The following SOX5 variants were observed in gnomAD, a reference collection of about 807,000 sequenced individuals.
SOX5 encodes transcription factor SOX-5.
In SOX5, 9 loss-of-function variants were observed where a neutral mutation model predicts 92.0. That is an observed-to-expected ratio of 0.10 (90% CI 0.06 to 0.17). The LOEUF (loss-of-function observed/expected upper bound fraction) is 0.17. Ranked by LOEUF, SOX5 falls within the 10% of genes least tolerant of loss-of-function variation. The pLI, the probability that SOX5 is intolerant of heterozygous loss-of-function variation, is 1.00. For synonymous variants in SOX5, 344 were observed against 336.3 expected (o/e 1.02, Z -0.25); for missense variants, 642 against 944.5 (o/e 0.68, Z 4.20).
At chr12:23,926,510 T>A (rs188682407) in intron 1 of SOX5, among the ~76,000 whole-genome samples, 1 of 151,378 alleles carries the variant, frequency 6.6e-6, no homozygotes, top group African/African-American at 2.4e-5. Context: ...ATGTTTAGTA[T>A]ATTCAAAATC....
At position 23,842,325 on chromosome 12, in the gene SOX5, A is replaced by G. The variant is rs73265676; in HGVS notation, c.481+3658T>C. Among the ~76,000 whole-genome samples the G allele has an allele frequency of 7.5e-3, 1,141 of 152,236 alleles. 6 individuals carry two copies. Among genetic ancestry groups the G allele is most frequent in the Non-Finnish European group, 8.6e-3 (583 of 67,982 alleles). ...AAATGTACAGATCAGTAAGAAATGA[A>G]GCTGCAATAATCCATGCAAAAAAGG... is the stretch of plus-strand genomic sequence containing the variant. On this transcript the variant is annotated intron_variant, in intron 3 of 14. Coordinates refer to ENST00000451604, the MANE Select transcript of SOX5 (RefSeq NM_006940.6).
chr12:24,392,020 A>G (rs1311304689), intron 1 of SOX5, among the ~76,000 whole-genome samples: 1 of 152,072 alleles, frequency 6.6e-6, no homozygotes, highest in Non-Finnish European at 1.5e-5. Context: ...TCACACTTTC[A>G]ATACTGAAAC....
intron 4 of SOX5, among the ~76,000 whole-genome samples, chr12:24,081,516 T>C (rs910844293): frequency 6.6e-6 from 1 of 152,034 alleles, no homozygotes; most frequent in Non-Finnish European, 1.5e-5. Context: ...ATGCTATAAA[T>C]GTCCATTCCA....
chr12:24,339,140 TTCTCTCTC>T lies in SOX5; in HGVS notation c.-174+29415_-174+29422del, dbSNP rs56093303. 7.9e-5 allele frequency among the ~76,000 whole-genome samples: 10 copies of T among 126,042 alleles called. No individual in the cohort carries two copies. The South Asian group carries it at 8.1e-4, about 10-fold the overall frequency. The allele number at this position is 126,042 out of a possible 152,430, so 82.7% of individuals were successfully genotyped here. On this transcript the variant is annotated intron_variant, in intron 2 of 4. Transcript: ENST00000446891. The stretch of plus-strand genomic sequence containing the variant: ...ATAATCCCTGCCTGTCTGTCTCTGT[TTCTCTCTC>T]TCTCTCTCTCTCTGCCACACACACA...
chr12:24,367,582 C>T (rs1339488395), intron 2 of SOX5, among the ~76,000 whole-genome samples: 1 of 152,036 alleles, frequency 6.6e-6, no homozygotes, highest in Non-Finnish European at 1.5e-5. Context: ...CAAAAAATTG[C>T]CACAACATTT....
chr12:24,012,651 T>A lies in SOX5; in HGVS notation c.-1-116627A>T, dbSNP rs1423747901. ...ATAAATACTACCAGGTACTGCTAGA[T>A]CTTGTCTGACAAACCTCCAAGGAAA... On this transcript the variant is annotated intron_variant, in intron 4 of 4. Coordinates refer to the SOX5 transcript ENST00000446891. Among the ~76,000 whole-genome samples, 4 of 152,170 alleles carry A rather than the reference T, an allele frequency of 2.6e-5. No homozygotes were observed. In the South Asian group the frequency reaches 6.2e-4, roughly 24 times the overall value.
intron 3 of SOX5, among the ~76,000 whole-genome samples, chr12:23,840,246 A>C (rs1347514413): frequency 6.6e-6 from 1 of 152,092 alleles, no homozygotes; most frequent in Non-Finnish European, 1.5e-5. Flanking sequence ...AAATTTTTAC[A>C]TCAAAAAAGA....
chr12:23,641,089 G>A (rs776535606), intron 7 of SOX5, among the ~76,000 whole-genome samples, 192 bp from the exon 8 acceptor site: 9 of 152,084 alleles, frequency 5.9e-5, no homozygotes, highest in Non-Finnish European at 1.2e-4. Context: ...TGAATAAAAG[G>A]CACAAGCAAT....
At chr12:23,730,596 T>C (rs543605426) in intron 6 of SOX5, among the ~76,000 whole-genome samples, 341 of 152,334 alleles carry the variant, frequency 2.2e-3, no homozygotes, top group Non-Finnish European at 4.1e-3. Context: ...AAAGTCTTTA[T>C]AAGGAAGAAA....
intron 1 of SOX5, among the ~76,000 whole-genome samples, chr12:24,538,379 C>T (rs982165294): frequency 6.6e-6 from 1 of 152,084 alleles, no homozygotes; most frequent in Non-Finnish European, 1.5e-5. Context: ...GAACTTTGAC[C>T]TGCTTAAAAT....
intron 1 of SOX5, among the ~76,000 whole-genome samples, chr12:24,544,599 A>C (rs1398623923): frequency 6.6e-6 from 1 of 152,160 alleles, no homozygotes; most frequent in African/African-American, 2.4e-5. Flanking sequence ...GGCTAATGCA[A>C]ACACACACAC....
intron 9 of SOX5, among the ~76,000 whole-genome samples, chr12:23,583,508 C>T (rs890852819): frequency 6.6e-6 from 1 of 152,036 alleles, no homozygotes; most frequent in Non-Finnish European, 1.5e-5. Flanking sequence ...ATGGTGTTTC[C>T]AATTCAACTT....
At chr12:24,452,923 C>A (rs1942520974) in intron 1 of SOX5, among the ~76,000 whole-genome samples, 2 of 152,140 alleles carry the variant, frequency 1.3e-5, no homozygotes, top group African/African-American at 4.8e-5. Context: ...AGTTAGCAAA[C>A]CAGCTGGCTT....
At chr12:24,281,237 G>GAAA (rs71448005) in intron 2 of SOX5, among the ~76,000 whole-genome samples, 2,153 of 97,164 alleles carry the variant, frequency 0.022, 43 homozygotes, top group African/African-American at 0.055. Flanking sequence ...TTACCAAAAG[G>GAAA]AAAAAAAAAA....
At chr12:24,049,408 G>A (rs1396330843) in intron 4 of SOX5, among the ~76,000 whole-genome samples, 1 of 152,150 alleles carries the variant, frequency 6.6e-6, no homozygotes, top group Non-Finnish European at 1.5e-5. Flanking sequence ...GAGTTGTGTA[G>A]ACAGCCACAA....
intron 2 of SOX5, among the ~76,000 whole-genome samples, chr12:24,291,053 G>A (rs925936849): frequency 6.6e-6 from 1 of 152,082 alleles, no homozygotes; most frequent in Non-Finnish European, 1.5e-5. Flanking sequence ...TAGGCAATAG[G>A]CAGTACTCAG....
intron 5 of SOX5, among the ~76,000 whole-genome samples, 193 bp from the exon 6 acceptor site, chr12:23,734,945 T>C (rs977096540): frequency 6.6e-6 from 1 of 152,240 alleles, no homozygotes; most frequent in Non-Finnish European, 1.5e-5. Flanking sequence ...GGAACAGTTA[T>C]GTTTCTTTTG....
chr12:24,463,147 C>T (rs1943831449), intron 1 of SOX5, among the ~76,000 whole-genome samples: 1 of 151,426 alleles, frequency 6.6e-6, no homozygotes, highest in South Asian at 2.1e-4. Context: ...TGTGAGGCTG[C>T]AGTGAGCCAT....
At chr12:23,710,165 T>A (rs985644419) in intron 6 of SOX5, among the ~76,000 whole-genome samples, 13 of 151,922 alleles carry the variant, frequency 8.6e-5, no homozygotes, top group African/African-American at 2.9e-4. Flanking sequence ...GAGAAAGTTC[T>A]TTGTTGGATT....
Sources: allele counts gnomAD v4.1 joint callset (sites outside exome capture counted in the v4.1 genomes callset), GRCh38; gene constraint gnomAD v4.1.1; transcripts MANE v1.5; gene names NCBI Gene and HGNC (gene_info 2026-07-23, HGNC 2026-07-21).